Variants in TBC1D19 observed in about 807,000 individuals in gnomAD.
The protein encoded by TBC1D19 is TBC1 domain family member 19.
TBC1D19 carries 60 observed loss-of-function variants against 89.0 expected under a neutral mutation model. The observed-to-expected ratio is 0.67, with a 90% CI of 0.55 to 0.84. The LOEUF (loss-of-function observed/expected upper bound fraction) is 0.84, where lower values mean the gene tolerates loss of function less well. Ranked by LOEUF, TBC1D19 falls within the 40% of genes least tolerant of loss-of-function variation. The probability of loss-of-function intolerance (pLI) is 0.00; values close to 1 mark genes in which losing one functional copy is unlikely to be tolerated. For synonymous variants in TBC1D19, 189 were observed against 199.7 expected, an observed-to-expected ratio of 0.95 and a Z score of 0.45; for missense variants, 500 against 610.8, an observed-to-expected ratio of 0.82 and a Z score of 1.91.
chr4:26,708,031 A>G (rs959867994), intron 13 of TBC1D19, among the ~76,000 whole-genome samples: 1 of 152,060 alleles, frequency 6.6e-6, no homozygotes, highest in Non-Finnish European at 1.5e-5. Flanking sequence ...TGGAGTTACA[A>G]ACCTTTGTTA....
At chr4:26,652,470 G>T (rs1744465643) in intron 7 of TBC1D19, among the ~76,000 whole-genome samples, 3 of 152,082 alleles carry the variant, frequency 2.0e-5, no homozygotes, top group South Asian at 2.1e-4. Flanking sequence ...GAACTCCTGG[G>T]CTCAAGCTAT....
intron 4 of TBC1D19, among the ~76,000 whole-genome samples, chr4:26,627,705 T>G (rs2110051630): frequency 6.6e-6 from 1 of 152,308 alleles, no homozygotes; most frequent in East Asian, 1.9e-4. Context: ...GAAGTGTCTG[T>G]TCATGTCCTT....
chr4:26,811,372 T>C, the TBC1D19 span, among the ~76,000 whole-genome samples: 2,224 of 152,194 alleles, frequency 0.015, 42 homozygotes, highest in African/African-American at 0.046. Flanking sequence ...CTGGGTGTTG[T>C]GGGTGCCAGA....
intron 17 of TBC1D19, chr4:26,740,691 T>TC (rs1226734209): frequency 1.0e-6 from 1 of 985,348 alleles, no homozygotes; most frequent in African/African-American, 1.7e-5. Flanking sequence ...ATGCTTTTTT[T>TC]CCCCCTTTGG....
intron 7 of TBC1D19, among the ~76,000 whole-genome samples, chr4:26,644,154 C>T (rs1743747715): frequency 6.6e-6 from 1 of 152,144 alleles, no homozygotes; most frequent in Admixed American, 6.5e-5. Flanking sequence ...CCCCGATGAA[C>T]ATTGATGTGA....
chr4:26,801,161 A>G, the TBC1D19 span, among the ~76,000 whole-genome samples: 1 of 152,176 alleles, frequency 6.6e-6, no homozygotes, highest in Non-Finnish European at 1.5e-5. Flanking sequence ...TAAGTCTTTA[A>G]TCCATCTTGA....
chr4:26,844,682 G>A, the TBC1D19 span, among the ~76,000 whole-genome samples: 1 of 152,272 alleles, frequency 6.6e-6, no homozygotes, highest in East Asian at 1.9e-4. Context: ...GTTTTATGGG[G>A]ATACAGTTGC....
At chr4:26,735,622 T>G (rs538221821) in intron 16 of TBC1D19, 135 bp downstream of exon 16, 89 of 743,324 alleles carry the variant, frequency 1.2e-4, no homozygotes, top group Non-Finnish European at 1.7e-4. Context: ...GTGAAATGCA[T>G]GCTAGTTCCC....
At chr4:26,740,480 G>C (rs1488097019) in intron 17 of TBC1D19, among the ~76,000 whole-genome samples, 2 of 152,030 alleles carry the variant, frequency 1.3e-5, no homozygotes, top group Admixed American at 6.6e-5. Context: ...TTTCATATTT[G>C]GCTAATTATC....
chr4:26,710,318 G>T (rs1464567312), intron 13 of TBC1D19, among the ~76,000 whole-genome samples: 3 of 152,110 alleles, frequency 2.0e-5, no homozygotes, highest in Admixed American at 6.6e-5. Context: ...TGCTGAGAAT[G>T]ATGGTTTCTA....
At chr4:26,746,405 G>T (rs1718649778) in intron 18 of TBC1D19, among the ~76,000 whole-genome samples, 2 of 152,014 alleles carry the variant, frequency 1.3e-5, no homozygotes, top group Admixed American at 6.6e-5. Context: ...GTATTGTGTA[G>T]ATTGGACATT....
chr4:26,849,777 T>A, the TBC1D19 span, among the ~76,000 whole-genome samples: 1 of 152,192 alleles, frequency 6.6e-6, no homozygotes, highest in Non-Finnish European at 1.5e-5. Context: ...TAAATCCATA[T>A]TATGCCAACT....
chr4:26,837,059 C>T, the TBC1D19 span, among the ~76,000 whole-genome samples: 1 of 152,092 alleles, frequency 6.6e-6, no homozygotes, highest in Non-Finnish European at 1.5e-5. Context: ...GAGAGACTGC[C>T]CCAAGCAAGT....
intron 15 of TBC1D19, among the ~76,000 whole-genome samples, chr4:26,726,294 G>A (rs1408842163): frequency 6.6e-6 from 1 of 151,928 alleles, no homozygotes; most frequent in Non-Finnish European, 1.5e-5. Flanking sequence ...GATTAGATAA[G>A]GCTCTTAGAA....
chr4:26,845,354 C>G, the TBC1D19 span, among the ~76,000 whole-genome samples: 1 of 152,120 alleles, frequency 6.6e-6, no homozygotes. Flanking sequence ...TTTTTCAAGA[C>G]TTTCCTTATT....
chr4:26,746,530 G>A (rs1458838458), intron 18 of TBC1D19, among the ~76,000 whole-genome samples: 3 of 151,932 alleles, frequency 2.0e-5, no homozygotes, highest in African/African-American at 4.8e-5. Flanking sequence ...GTATTTTTCA[G>A]TTCTATAATT....
intron 1 of TBC1D19, among the ~76,000 whole-genome samples, chr4:26,577,116 G>T (rs532993051): frequency 6.6e-4 from 101 of 152,284 alleles, no homozygotes; most frequent in Non-Finnish European, 1.3e-3. Flanking sequence ...TAGAAAATCT[G>T]CCTGAGTTTT....
At chr4:26,699,252 A>G (rs1715098213) in intron 13 of TBC1D19, among the ~76,000 whole-genome samples, 1 of 152,260 alleles carries the variant, frequency 6.6e-6, no homozygotes, top group South Asian at 2.1e-4. Flanking sequence ...GCCAACAGGC[A>G]CATGAAAAAA....
chr4:26,643,008 G>C (rs1251138542), intron 7 of TBC1D19, among the ~76,000 whole-genome samples: 1 of 152,130 alleles, frequency 6.6e-6, no homozygotes, highest in Non-Finnish European at 1.5e-5. Context: ...GTCAATATTA[G>C]ACAGATCAAT....
Sources: gnomAD v4.1 joint callset for allele counts (sites outside exome capture counted in the v4.1 genomes callset) on GRCh38, gnomAD v4.1.1 for gene constraint, MANE v1.5 for transcripts, NCBI Gene and HGNC (gene_info 2026-07-23, HGNC 2026-07-21) for gene names.